The following USP32 variants were observed in gnomAD, a reference collection of about 807,000 sequenced individuals.
USP32 encodes ubiquitin carboxyl-terminal hydrolase 32.
A neutral mutation model predicts 204.8 loss-of-function variants in USP32; 59 were observed. The ratio of observed to expected loss-of-function variants is 0.29; its 90% CI spans 0.23 to 0.36. The LOEUF is 0.36. Ranked by LOEUF, USP32 falls within the 10% of genes least tolerant of loss-of-function variation. USP32 has a pLI of 1.00. For synonymous variants in USP32, 517 were observed against 678.4 expected, an observed-to-expected ratio of 0.76 and a Z score of 3.70; for missense variants, 1,160 against 1,946.4, an observed-to-expected ratio of 0.60 and a Z score of 7.60.
At chr17:60,311,422 T>C (rs1191761967) in intron 2 of USP32, among the ~76,000 whole-genome samples, 1 of 152,150 alleles carries the variant, frequency 6.6e-6, no homozygotes, top group Non-Finnish European at 1.5e-5. Context: ...TCCCAGTAAA[T>C]AATATGATTA....
chr17:60,397,667 TAGTAC>T (rs574323391), intron 1 of USP32, among the ~76,000 whole-genome samples: 2 of 152,112 alleles, frequency 1.3e-5, no homozygotes, highest in Non-Finnish European at 2.9e-5. Flanking sequence ...CACTACCTAT[TAGTAC>T]AGTGCTTCCA....
rs1227758367 is a variant in USP32 at position 60,334,948 on chromosome 17, C to T, written c.186+10533G>A. 3.5e-5 allele frequency among the ~76,000 whole-genome samples: 5 copies of T among 142,076 alleles called. 1 individual carries two copies. Among genetic ancestry groups the T allele is most frequent in the South Asian group, 2.1e-4 (1 of 4,666 alleles). 93.2% of individuals were successfully genotyped at this position (142,076 alleles called of 152,430 possible). ...TGCTGGGATTACAGGCGTGAGCCACCGCGCCCAGCCACGTTTTTTTATTTA... is the reference window on the plus strand; with the variant it reads ...TGCTGGGATTACAGGCGTGAGCCACTGCGCCCAGCCACGTTTTTTTATTTA... On this transcript the variant is annotated intron_variant, in intron 2 of 33. Coordinates refer to ENST00000300896, the MANE Select transcript of USP32 (RefSeq NM_032582.4).
intron 26 of USP32, among the ~76,000 whole-genome samples, chr17:60,203,428 AT>A (rs1170334573): frequency 1.4e-5 from 2 of 146,840 alleles, no homozygotes; most frequent in Non-Finnish European, 3.0e-5. Context: ...AAAAGAATAT[AT>A]TTCTGTTGTT....
intron 1 of USP32, among the ~76,000 whole-genome samples, chr17:60,389,471 A>C (rs1292087899): frequency 6.6e-6 from 1 of 151,436 alleles, no homozygotes; most frequent in Non-Finnish European, 1.5e-5. Flanking sequence ...TGAACCCGGG[A>C]GGCGGAGGTT....
intron 2 of USP32, among the ~76,000 whole-genome samples, chr17:60,326,937 A>G (rs1356674850): frequency 6.6e-6 from 1 of 151,352 alleles, no homozygotes; most frequent in Non-Finnish European, 1.5e-5. Flanking sequence ...GATCTCATAG[A>G]AGTAGAGAGT....
rs1265968042 is a variant in USP32 at position 60,266,076 on chromosome 17, A to C, written c.827T>G (p.Phe276Cys). ...AERQKFCFKV[F>C]DVDRDGVLSR... The stretch of plus-strand genomic sequence containing the variant: ...GAGAACTCCATCACGGTCAACATCA[A>C]ATACCTTGAAGCAAACTAATGAAAA... The change falls in exon 8 of 34, where the codon TTT (phenylalanine) becomes TGT (cysteine). Residue 276 changes from phenylalanine to cysteine, a missense_variant. Transcript: ENST00000300896. The C allele has an allele frequency of 3.1e-6, 5 of 1,613,688 alleles. No individual in the cohort carries two copies. Among genetic ancestry groups the C allele is most frequent in the Non-Finnish European group, 4.2e-6 (5 of 1,179,784 alleles).
rs187547489 is a variant in USP32, at chr17:60,291,264, C to T, written c.412-2582G>A. Among the ~76,000 whole-genome samples, 35 of 152,296 alleles carry T rather than the reference C, an allele frequency of 2.3e-4. No homozygotes were observed. The East Asian group carries it at 5.6e-3, about 24-fold the overall frequency. Reference sequence around the variant, plus strand: ...CATAACTGGTAGACCAAAAATTATACAGTCAAATCTGATTTTTTATGTTTC... The same window carrying T: ...CATAACTGGTAGACCAAAAATTATATAGTCAAATCTGATTTTTTATGTTTC... On this transcript the variant is annotated intron_variant, in intron 4 of 33. Coordinates refer to ENST00000300896, the MANE Select transcript of USP32 (RefSeq NM_032582.4).
chr17:60,317,875 C>T (rs1170109515), intron 2 of USP32, among the ~76,000 whole-genome samples: 1 of 152,166 alleles, frequency 6.6e-6, no homozygotes, highest in Non-Finnish European at 1.5e-5. Context: ...GTCCCAGCTA[C>T]CTGGGAGGCT....
chr17:60,409,323 A>G (rs558813143), intron 1 of USP32, among the ~76,000 whole-genome samples: 1 of 152,334 alleles, frequency 6.6e-6, no homozygotes, highest in African/African-American at 2.4e-5. Flanking sequence ...ATTCCAGCCT[A>G]TGCAACAGAG....
At chr17:60,393,136 A>G (rs911025758), upstream of USP32, among the ~76,000 whole-genome samples, 10 of 152,004 alleles carry the variant, frequency 6.6e-5, no homozygotes, top group Non-Finnish European at 1.3e-4. Flanking sequence ...TCCCCCTCCC[A>G]CTGGTCCGTG....
intron 1 of USP32, among the ~76,000 whole-genome samples, chr17:60,366,141 C>G (rs1320067550): frequency 2.0e-5 from 3 of 151,360 alleles, no homozygotes; most frequent in Non-Finnish European, 4.4e-5. Context: ...CCACGCCGGG[C>G]TAAGTTTTTT....
At chr17:60,421,940 G>C (rs907935411) in intron 1 of USP32, 3 of 985,242 alleles carry the variant, frequency 3.0e-6, no homozygotes, top group Non-Finnish European at 2.4e-6. Flanking sequence ...GGAAGGCCGC[G>C]GGGAGGGTTA....
At chr17:60,184,741 TGGA>T (rs1459669222) in intron 30 of USP32, among the ~76,000 whole-genome samples, 1 of 138,548 alleles carries the variant, frequency 7.2e-6, no homozygotes, top group Non-Finnish European at 1.5e-5. Context: ...GCCCGAGAGG[TGGA>T]GGTTGCGGTG....
At chr17:60,332,217 C>T (rs2145969459) in intron 2 of USP32, among the ~76,000 whole-genome samples, 1 of 151,910 alleles carries the variant, frequency 6.6e-6, no homozygotes, top group Admixed American at 6.6e-5. Flanking sequence ...GAGATCACGC[C>T]ACTCCAGCCT....
intron 1 of USP32, among the ~76,000 whole-genome samples, chr17:60,361,622 G>A (rs181103515): frequency 1.3e-5 from 2 of 151,998 alleles, no homozygotes; most frequent in Non-Finnish European, 2.9e-5. Context: ...GCTTTTCCTA[G>A]CCTCTTGTTC....
chr17:60,216,834 G>T (rs1410870895), intron 16 of USP32, among the ~76,000 whole-genome samples: 1 of 152,128 alleles, frequency 6.6e-6, no homozygotes, highest in Non-Finnish European at 1.5e-5. Context: ...TTTACAATCA[G>T]CAAGCAAAGG....
intron 1 of USP32, among the ~76,000 whole-genome samples, chr17:60,386,882 AT>A (rs1424211997): frequency 5.3e-5 from 8 of 152,226 alleles, no homozygotes; most frequent in Non-Finnish European, 4.4e-5. Flanking sequence ...AAACAGTGAG[AT>A]TAGTGAAAAC....
chr17:60,383,013 C>T (rs1280805151), intron 1 of USP32, among the ~76,000 whole-genome samples: 2 of 151,896 alleles, frequency 1.3e-5, no homozygotes, highest in African/African-American at 2.4e-5. Flanking sequence ...TTTGGGAGGC[C>T]GAGGCAGGTG....
intron 2 of USP32, among the ~76,000 whole-genome samples, chr17:60,342,562 T>G (rs2088686073): frequency 6.6e-6 from 1 of 152,238 alleles, no homozygotes. Flanking sequence ...TAGGCCTTGC[T>G]GAGCTGCAGT....
Sources: gnomAD v4.1 joint callset for allele counts (sites outside exome capture counted in the v4.1 genomes callset) on GRCh38, gnomAD v4.1.1 for gene constraint, MANE v1.5 for transcripts, NCBI Gene and HGNC (gene_info 2026-07-23, HGNC 2026-07-21) for gene names.